ERBB4: variants seen among roughly 807,000 people sequenced by gnomAD.
The protein encoded by ERBB4 is receptor tyrosine-protein kinase erbB-4.
A neutral mutation model predicts 158.0 loss-of-function variants in ERBB4; 42 were observed. The ratio of observed to expected loss-of-function variants is 0.27; its 90% confidence interval spans 0.21 to 0.34. The LOEUF (loss-of-function observed/expected upper bound fraction) is 0.34. Among genes scored for constraint, ERBB4 ranks in the 10% least tolerant of loss-of-function variants. The probability of loss-of-function intolerance (pLI) is 1.00; values close to 1 mark genes in which losing one functional copy is unlikely to be tolerated. For missense variants in ERBB4, 1,333 were observed against 1,624.1 expected, an observed-to-expected ratio of 0.82 and a Z score of 3.08; for synonymous variants, 583 against 558.7, an observed-to-expected ratio of 1.04 and a Z score of -0.61.
At chr2:211,449,162 C>A (rs1177767866) in intron 20 of ERBB4, among the ~76,000 whole-genome samples, 1 of 151,986 alleles carries the variant, frequency 6.6e-6, no homozygotes, top group Non-Finnish European at 1.5e-5. Flanking sequence ...CCTATCAGAA[C>A]CTTTTGGCTG....
chr2:211,997,909 TC>T (rs35914292), intron 2 of ERBB4, among the ~76,000 whole-genome samples: 53,719 of 150,384 alleles, frequency 0.36, 11,322 homozygotes, highest in Non-Finnish European at 0.49. Context: ...CACACACACA[TC>T]ACACACACAC....
intron 3 of ERBB4, among the ~76,000 whole-genome samples, chr2:211,867,901 A>G (rs967645790): frequency 6.6e-6 from 1 of 152,184 alleles, no homozygotes; most frequent in Non-Finnish European, 1.5e-5. Flanking sequence ...ATGACTGAGG[A>G]CTTTAACTGC....
chr2:211,527,225 A>T (rs574384316), intron 20 of ERBB4, among the ~76,000 whole-genome samples: 1 of 152,230 alleles, frequency 6.6e-6, no homozygotes, highest in African/African-American at 2.4e-5. Flanking sequence ...CAAACAATGG[A>T]GCACCCACAT....
At chr2:212,441,368 A>C (rs2092250938) in intron 1 of ERBB4, among the ~76,000 whole-genome samples, 1 of 152,160 alleles carries the variant, frequency 6.6e-6, no homozygotes, top group African/African-American at 2.4e-5. Flanking sequence ...GCCTCCCCTG[A>C]GGCAGTTGCC....
At chr2:211,424,429 AGCTC>A in intron 22 of ERBB4, 128 bp from the exon 23 acceptor site, 7 of 653,944 alleles carry the variant, frequency 1.1e-5, no homozygotes, top group Non-Finnish European at 1.8e-5. Flanking sequence ...AAAAAAAAAA[AGCTC>A]CATAAATTCC....
In ERBB4 at chr2:211,655,346, A is replaced by C. The variant is rs62185366; in HGVS notation, c.1946+2408T>G. On this transcript the variant is annotated intron_variant, in intron 16 of 27. Transcript: ENST00000342788. Reference sequence around the variant, plus strand: ...AGGTTTGAGAATTTTTGATGTACAGAAAGATAATAAATAATAACACTTATT... The same window carrying C: ...AGGTTTGAGAATTTTTGATGTACAGCAAGATAATAAATAATAACACTTATT... Among the ~76,000 whole-genome samples, 815 of 152,318 alleles carry C rather than the reference A, an allele frequency of 5.4e-3. 2 individuals carry two copies. The highest frequency in any genetic ancestry group is 8.0e-3 in the Non-Finnish European group (545 of 68,026).
chr2:212,226,098 G>A (rs2083458578), intron 1 of ERBB4, among the ~76,000 whole-genome samples: 1 of 152,078 alleles, frequency 6.6e-6, no homozygotes. Context: ...TCTTCTGTTG[G>A]CCTGGAACAA....
At chr2:212,479,433 C>A (rs6735807) in intron 1 of ERBB4, among the ~76,000 whole-genome samples, 63,843 of 151,940 alleles carry the variant, frequency 0.42, 14,242 homozygotes, top group African/African-American at 0.53. Flanking sequence ...CCCAAGAGGA[C>A]TTCTTAATTT....
At chr2:211,413,309 A>ACACACACACACACAC in intron 25 of ERBB4, among the ~76,000 whole-genome samples, 1 of 94,576 alleles carries the variant, frequency 1.1e-5, no homozygotes, top group East Asian at 2.4e-4. Context: ...CTGTCTTAAA[A>ACACACACACACACAC]ACACACACAC....
At chr2:211,664,725 A>G (rs964866753) in intron 15 of ERBB4, among the ~76,000 whole-genome samples, 2 of 152,156 alleles carry the variant, frequency 1.3e-5, no homozygotes, top group African/African-American at 4.8e-5. Flanking sequence ...CAAGCTTCAG[A>G]TTGCCCTATA....
In ERBB4 at chr2:211,379,351, T is replaced by TA. The variant is rs1001512930; in HGVS notation, c.*4263dup. 4.4e-6 allele frequency: 1 copy of TA among 227,344 alleles called. No homozygotes were observed. Among genetic ancestry groups the TA allele is most frequent in the African/African-American group, 2.2e-5 (1 of 44,992 alleles). The allele number at this position is 227,344 out of a possible 1,614,324, so 14.1% of individuals were successfully genotyped here. On this transcript the variant is annotated 3_prime_UTR_variant, in exon 28 of 28. Coordinates refer to ENST00000342788, the MANE Select transcript of ERBB4 (RefSeq NM_005235.3). Reference sequence around the variant, plus strand: ...TAAATTCTGCAAGGTGGTGTTTATTTAAAAAAATAAATAAATACAATTTTC... The same window carrying TA: ...TAAATTCTGCAAGGTGGTGTTTATTTAAAAAAAATAAATAAATACAATTTTC...
At chr2:212,409,958 ACT>A (rs2091451133) in intron 1 of ERBB4, among the ~76,000 whole-genome samples, 3 of 152,052 alleles carry the variant, frequency 2.0e-5, no homozygotes, top group African/African-American at 7.2e-5. Flanking sequence ...ATTAACATAA[ACT>A]CTGAAATAAA....
chr2:211,968,973 A>C (rs542539994), intron 2 of ERBB4, among the ~76,000 whole-genome samples: 41 of 152,030 alleles, frequency 2.7e-4, no homozygotes, highest in Admixed American at 6.6e-4. Context: ...TTTTCTGAAA[A>C]ATGAAAGAAT....
At chr2:211,880,320 A>G (rs1160870643) in intron 3 of ERBB4, among the ~76,000 whole-genome samples, 1 of 152,164 alleles carries the variant, frequency 6.6e-6, no homozygotes, top group Non-Finnish European at 1.5e-5. Flanking sequence ...GGAATTTACC[A>G]CTATGTGGTA....
chr2:212,389,771 G>A (rs541120001), intron 1 of ERBB4, among the ~76,000 whole-genome samples: 1 of 151,976 alleles, frequency 6.6e-6, no homozygotes, highest in South Asian at 2.1e-4. Flanking sequence ...TCTCTTTTGT[G>A]TGTATAATTC....
intron 1 of ERBB4, among the ~76,000 whole-genome samples, chr2:212,445,390 T>C (rs1175412656): frequency 6.6e-6 from 1 of 152,188 alleles, no homozygotes; most frequent in Non-Finnish European, 1.5e-5. Context: ...CATTACATTC[T>C]GCTGGCCTAG....
intron 19 of ERBB4, among the ~76,000 whole-genome samples, chr2:211,591,062 T>TAA (rs1466566329): frequency 1.3e-5 from 2 of 152,240 alleles, no homozygotes; most frequent in Non-Finnish European, 2.9e-5. Context: ...TATCACATTG[T>TAA]TAGCACCAAA....
At chr2:212,003,200 AGAAAGACAGAAAGAAGGAAGGAAG>A (rs765847723) in intron 2 of ERBB4, among the ~76,000 whole-genome samples, 1,894 of 57,972 alleles carry the variant, frequency 0.033, 186 homozygotes, top group Non-Finnish European at 0.059. Context: ...AAAGAAAGAA[AGAAAGACAGAAAGAAGGAAGGAAG>A]GAAGGAAGGA....
chr2:211,515,912 A>AT (rs1553555083), intron 20 of ERBB4, among the ~76,000 whole-genome samples: 6,881 of 79,272 alleles, frequency 0.087, 672 homozygotes, highest in Non-Finnish European at 0.12. Flanking sequence ...ATATATATAT[A>AT]TTTTTTTTTT....
Sources: gnomAD v4.1 joint callset for allele counts (sites outside exome capture counted in the v4.1 genomes callset) on GRCh38, gnomAD v4.1.1 for gene constraint, MANE v1.5 for transcripts, NCBI Gene and HGNC (gene_info 2026-07-23, HGNC 2026-07-21) for gene names.